DGKD: variants seen among roughly 807,000 people sequenced by gnomAD.
DGKD encodes diacylglycerol kinase delta.
In DGKD, 68 loss-of-function variants were observed where a neutral mutation model predicts 154.4. That is an observed-to-expected ratio of 0.44 (90% CI 0.36 to 0.54). The LOEUF (loss-of-function observed/expected upper bound fraction) is 0.54. Among genes scored for constraint, DGKD ranks in the 20% least tolerant of loss-of-function variants. The probability of loss-of-function intolerance (pLI) is 0.00; values close to 1 mark genes in which losing one functional copy is unlikely to be tolerated. For missense variants in DGKD, 1,343 were observed against 1,593.6 expected (o/e 0.84, Z 2.68); for synonymous variants, 693 against 638.0 (o/e 1.09, Z -1.30).
At chr2:233,361,711 T>C (rs13001875) in intron 1 of DGKD, among the ~76,000 whole-genome samples, 35,267 of 152,186 alleles carry the variant, frequency 0.23, 4,418 homozygotes, top group South Asian at 0.49. Flanking sequence ...ACTTTTGGAC[T>C]GAGGCAGGTG....
intron 3 of DGKD, among the ~76,000 whole-genome samples, chr2:233,430,346 G>A (rs1299692781): frequency 1.3e-5 from 2 of 152,152 alleles, no homozygotes; most frequent in Admixed American, 1.3e-4. Context: ...CCATCCATAG[G>A]GCGCTGGCTG....
chr2:233,464,561 T>G (rs541966103), intron 27 of DGKD, among the ~76,000 whole-genome samples: 2 of 152,136 alleles, frequency 1.3e-5, no homozygotes, highest in African/African-American at 4.8e-5. Context: ...GGACAGTGGG[T>G]AGAAGGAAGG....
At chr2:233,389,345 G>A (rs1703418599) in intron 2 of DGKD, among the ~76,000 whole-genome samples, 1 of 152,224 alleles carries the variant, frequency 6.6e-6, no homozygotes, top group Admixed American at 6.5e-5. Context: ...TTACTGCCAT[G>A]TTTAAGCGGA....
At chr2:233,362,199 AG>A (rs1701817661) in intron 1 of DGKD, among the ~76,000 whole-genome samples, 2 of 152,254 alleles carry the variant, frequency 1.3e-5, no homozygotes, top group South Asian at 4.1e-4. Context: ...GTGAACCAGA[AG>A]ATAGCTCAGA....
At chr2:233,372,440 ACT>A (rs982627318) in intron 1 of DGKD, among the ~76,000 whole-genome samples, 7 of 151,540 alleles carry the variant, frequency 4.6e-5, no homozygotes, top group Admixed American at 1.3e-4. Context: ...CAGTATTTGA[ACT>A]CTGATAAAAA....
At chr2:233,447,443 G>A (rs2063118406) in intron 12 of DGKD, 1 of 981,630 alleles carries the variant, frequency 1.0e-6, no homozygotes, top group Non-Finnish European at 1.2e-6. Flanking sequence ...AACAAGGCCT[G>A]CAGGCCAGAT....
intron 1 of DGKD, among the ~76,000 whole-genome samples, chr2:233,383,899 G>A (rs1313654520): frequency 6.6e-6 from 1 of 152,206 alleles, no homozygotes; most frequent in Non-Finnish European, 1.5e-5. Context: ...GGAACGGGAA[G>A]CATTCTAAAT....
intron 3 of DGKD, among the ~76,000 whole-genome samples, chr2:233,421,429 C>T (rs918176452): frequency 2.0e-5 from 3 of 152,226 alleles, no homozygotes; most frequent in Non-Finnish European, 4.4e-5. Context: ...CTGCATCTTA[C>T]TGTCAGCTTT....
At chr2:233,450,856 G>C in intron 16 of DGKD, 66 bp from the exon 17 acceptor site, 1 of 1,550,360 alleles carries the variant, frequency 6.5e-7, no homozygotes, top group South Asian at 1.2e-5. Flanking sequence ...GTGTCGCTAA[G>C]GACCCCCCAG....
chr2:233,422,172 T>G (rs1664273976), intron 3 of DGKD, among the ~76,000 whole-genome samples: 1 of 152,200 alleles, frequency 6.6e-6, no homozygotes, highest in Non-Finnish European at 1.5e-5. Flanking sequence ...ATTGCCGTAG[T>G]GGGTGCTGGG....
chr2:233,370,643 T>C (rs1702273748), intron 1 of DGKD, among the ~76,000 whole-genome samples: 1 of 151,906 alleles, frequency 6.6e-6, no homozygotes, highest in Non-Finnish European at 1.5e-5. Context: ...GTTTGCTCAT[T>C]CATCGGTTGA....
Position 233,386,638 on chromosome 2 carries a change from T to C in DGKD, c.157-1619T>C, listed in dbSNP as rs866564882. Among the ~76,000 whole-genome samples, 8 of 152,166 alleles carry C rather than the reference T, an allele frequency of 5.3e-5. No homozygotes were observed. In the South Asian group the frequency reaches 1.7e-3, roughly 32 times the overall value. ...GGATAATGTTGGGCTCCTCTCTTTT[T>C]CCTTCCTGGCACTCTTTAATTACTG... On this transcript the variant is annotated intron_variant, in intron 1 of 29. Coordinates refer to ENST00000264057, the MANE Select transcript of DGKD (RefSeq NM_152879.3).
At chr2:233,372,355 G>A (rs1474162851) in intron 1 of DGKD, among the ~76,000 whole-genome samples, 1 of 152,156 alleles carries the variant, frequency 6.6e-6, no homozygotes, top group Non-Finnish European at 1.5e-5. Context: ...ATATGGACTT[G>A]ATTCAGTTCT....
At position 233,354,845 on chromosome 2, in the gene DGKD, C is replaced by T. The variant is rs1411200005; in HGVS notation, c.156+171C>T. Reference sequence around the variant, plus strand: ...GCCCCGCCGCTGTAACGGGCCGGCGCCCCGGGCGGAGCGCGCGGCCCCCGA... The same window carrying T: ...GCCCCGCCGCTGTAACGGGCCGGCGTCCCGGGCGGAGCGCGCGGCCCCCGA... On this transcript the variant is annotated intron_variant, in intron 1 of 29. Coordinates refer to ENST00000264057, the MANE Select transcript of DGKD (RefSeq NM_152879.3). The surrounding 1 kb of genome is among the most constrained non-coding windows in gnomAD (Gnocchi z 4.8). 6.9e-6 allele frequency among the ~76,000 whole-genome samples: 1 copy of T among 145,206 alleles called. No individual in the cohort carries two copies. The highest frequency in any genetic ancestry group is 6.8e-5 in the Admixed American group (1 of 14,696).
chr2:233,357,356 A>G lies in DGKD; in HGVS notation c.156+2682A>G, dbSNP rs1410249283. Among the ~76,000 whole-genome samples, 3 of 152,144 alleles carry G rather than the reference A, an allele frequency of 2.0e-5. No individual in the cohort carries two copies. The East Asian group carries it at 5.8e-4, about 29-fold the overall frequency. ...TGTCAGGCTTTTAAAATATTAGTCT[A>G]GTGCAAGTCAGAGCTGTCTTAATGA... On this transcript the variant is annotated intron_variant, in intron 1 of 29. Transcript: ENST00000264057.
At chr2:233,426,167 T>C (rs1559532039) in intron 3 of DGKD, among the ~76,000 whole-genome samples, 1 of 152,258 alleles carries the variant, frequency 6.6e-6, no homozygotes, top group Non-Finnish European at 1.5e-5. Flanking sequence ...AACATAGTGC[T>C]GCCAGACTCT....
At chr2:233,437,607 TGGG>T (rs1471413265) in intron 8 of DGKD, 128 bp downstream of exon 8, 13 of 910,438 alleles carry the variant, frequency 1.4e-5, no homozygotes, top group Non-Finnish European at 2.1e-5. Flanking sequence ...GCACAGCTGT[TGGG>T]GGTGCTGGAG....
chr2:233,431,810 G>A (rs1479662466), intron 3 of DGKD, among the ~76,000 whole-genome samples: 1 of 152,242 alleles, frequency 6.6e-6, no homozygotes, highest in Non-Finnish European at 1.5e-5. Flanking sequence ...ATTGCCATAT[G>A]CAAATATCAA....
At chr2:233,395,025 A>T (rs1403253654) in intron 3 of DGKD, among the ~76,000 whole-genome samples, 1 of 151,982 alleles carries the variant, frequency 6.6e-6, no homozygotes, top group African/African-American at 2.4e-5. Flanking sequence ...TGTAAACAGT[A>T]TGTTGTTAGA....
Sources: allele counts gnomAD v4.1 joint callset (sites outside exome capture counted in the v4.1 genomes callset), GRCh38; gene constraint gnomAD v4.1.1; non-coding constraint Gnocchi (gnomAD v3.1); transcripts MANE v1.5; gene names NCBI Gene and HGNC (gene_info 2026-07-23, HGNC 2026-07-21).